LARP1B: variants seen among roughly 807,000 people sequenced by gnomAD.
The protein encoded by LARP1B is la-related protein 1B.
A neutral mutation model predicts 114.2 loss-of-function variants in LARP1B; 76 were observed. The observed-to-expected ratio is 0.67, with a 90% CI of 0.55 to 0.81. The LOEUF is 0.81. Among genes scored for constraint, LARP1B ranks in the 30% least tolerant of loss-of-function variants. The pLI is 0.00. For missense variants in LARP1B, 1,014 were observed against 1,075.8 expected (o/e 0.94, Z 0.80); for synonymous variants, 345 against 348.0 (o/e 0.99, Z 0.10).
At chr4:128,187,936 G>T (rs529866739) in intron 15 of LARP1B, among the ~76,000 whole-genome samples, 2 of 152,150 alleles carry the variant, frequency 1.3e-5, no homozygotes, top group Admixed American at 1.3e-4. Context: ...GCTATGTGAA[G>T]TGCTGCTCCC....
In LARP1B at chr4:128,211,584, G is replaced by C; in HGVS notation, c.*1531G>C. The C allele has an allele frequency of 3.2e-6, 3 of 943,188 alleles. No individual in the cohort carries two copies. Among genetic ancestry groups the C allele is most frequent in the African/African-American group, 1.8e-5 (1 of 56,358 alleles). The allele number at this position is 943,188 out of a possible 1,614,324, so 58.4% of individuals were successfully genotyped here. On this transcript the variant is annotated 3_prime_UTR_variant, in exon 20 of 20. Coordinates refer to ENST00000326639, the MANE Select transcript of LARP1B (RefSeq NM_018078.4). ...TTTATTTAGATATATTGTAAAGAGG[G>C]TGCAAAACAAGCAATGGGTTAGAAT...
intron 12 of LARP1B, among the ~76,000 whole-genome samples, chr4:128,176,568 A>G (rs1188641017): frequency 6.6e-6 from 1 of 152,134 alleles, no homozygotes; most frequent in Non-Finnish European, 1.5e-5. Context: ...TGCTGGGATT[A>G]CAGGCGTGAG....
At position 128,200,503 on chromosome 4, in the gene LARP1B, T is replaced by C; in HGVS notation, c.2165-18T>C. The C allele has an allele frequency of 1.4e-6, 2 of 1,379,794 alleles. No homozygotes were observed. Among genetic ancestry groups the C allele is most frequent in the Non-Finnish European group, 1.9e-6 (2 of 1,046,612 alleles). 85.5% of individuals were successfully genotyped at this position (1,379,794 alleles called of 1,614,324 possible). Reference sequence around the variant, plus strand: ...AAAGTATGTTTAATAAAATAATATTTTATTTAACTTTTTTCAGAGAGAAAA... The same window carrying C: ...AAAGTATGTTTAATAAAATAATATTCTATTTAACTTTTTTCAGAGAGAAAA... On this transcript the variant is annotated intron_variant, in intron 16 of 19. Coordinates refer to ENST00000326639, the MANE Select transcript of LARP1B (RefSeq NM_018078.4).
intron 1 of LARP1B, among the ~76,000 whole-genome samples, chr4:128,070,555 G>A (rs1253722915): frequency 6.6e-6 from 1 of 152,062 alleles, no homozygotes; most frequent in Non-Finnish European, 1.5e-5. Context: ...CAGCTACTTG[G>A]GAGGCTGAGG....
chr4:128,086,464 G>A (rs1773603509), intron 5 of LARP1B, among the ~76,000 whole-genome samples: 1 of 152,040 alleles, frequency 6.6e-6, no homozygotes, highest in Non-Finnish European at 1.5e-5. Flanking sequence ...CAGTAGCTGG[G>A]ACTACAGGCA....
chr4:128,124,617 T>C (rs1007097743), intron 11 of LARP1B, among the ~76,000 whole-genome samples: 1 of 152,232 alleles, frequency 6.6e-6, no homozygotes, highest in African/African-American at 2.4e-5. Context: ...CTAATTTTTA[T>C]TTTTAATAGA....
chr4:128,138,872 G>A (rs935996553), intron 11 of LARP1B, among the ~76,000 whole-genome samples: 2 of 152,046 alleles, frequency 1.3e-5, no homozygotes, highest in Non-Finnish European at 2.9e-5. Flanking sequence ...CATGAGAATC[G>A]CTTGAACCTG....
chr4:128,155,266 G>A, intron 11 of LARP1B: 1 of 391,736 alleles, frequency 2.6e-6, no homozygotes, highest in Non-Finnish European at 4.6e-6. Flanking sequence ...GAAAAAGTAG[G>A]TTTAAAAAAT....
At chr4:128,091,181 CTT>C in intron 6 of LARP1B, 37 bp downstream of exon 6, 1 of 1,593,988 alleles carries the variant, frequency 6.3e-7, no homozygotes, top group Non-Finnish European at 8.5e-7. Flanking sequence ...ATTAGATAAA[CTT>C]TGAAAAAAAT....
intron 10 of LARP1B, among the ~76,000 whole-genome samples, chr4:128,121,168 G>A (rs531592317): frequency 6.6e-6 from 1 of 152,300 alleles, no homozygotes; most frequent in Non-Finnish European, 1.5e-5. Flanking sequence ...TGAAAACTGG[G>A]CCATGTAGAA....
At chr4:128,142,798 G>A (rs1174789738) in intron 11 of LARP1B, among the ~76,000 whole-genome samples, 1 of 151,966 alleles carries the variant, frequency 6.6e-6, no homozygotes, top group Non-Finnish European at 1.5e-5. Flanking sequence ...GTGAGCCACT[G>A]TGCCTGGGTT....
At chr4:128,149,311 A>G (rs1184578704) in intron 11 of LARP1B, among the ~76,000 whole-genome samples, 1 of 152,206 alleles carries the variant, frequency 6.6e-6, no homozygotes, top group Non-Finnish European at 1.5e-5. Context: ...AATTTAGAAT[A>G]AAGAGCAATT....
At chr4:128,169,309 G>A (rs566892301) in intron 12 of LARP1B, among the ~76,000 whole-genome samples, 1 of 151,540 alleles carries the variant, frequency 6.6e-6, no homozygotes, top group Non-Finnish European at 1.5e-5. Flanking sequence ...TGGAAGCTTA[G>A]ATCATTTATT....
chr4:128,123,106 G>A (rs1410207432), intron 11 of LARP1B: 3 of 985,192 alleles, frequency 3.0e-6, no homozygotes, highest in Admixed American at 1.2e-4. Context: ...CCTGTCGGTG[G>A]GGCTTCATAT....
At position 128,209,906 on chromosome 4, in the gene LARP1B, T is replaced by G; in HGVS notation, c.2598T>G (p.Gly866=). 1 of 1,613,916 alleles carries G rather than the reference T, an allele frequency of 6.2e-7. No individual in the cohort carries two copies. The highest frequency in any genetic ancestry group is 8.5e-7 in the Non-Finnish European group (1 of 1,179,852). Residue 866 remains glycine (G), a synonymous_variant, in exon 20 of 20, where the codon GGT becomes GGG. Coordinates refer to ENST00000326639, the MANE Select transcript of LARP1B (RefSeq NM_018078.4). ...GAAAAAGACATTCCTCTACTTCTGG[T>G]GAGGAGAGTAATCGTCATAGACTTC... ...FGRKRHSSTS[G]EESNRHRLPP...
chr4:128,095,238 C>T (rs1324047131), intron 7 of LARP1B, among the ~76,000 whole-genome samples: 1 of 151,894 alleles, frequency 6.6e-6, no homozygotes, highest in Non-Finnish European at 1.5e-5. Flanking sequence ...CCTGTAATCC[C>T]AGCACTTTGA....
chr4:128,086,144 C>T (rs1030948205), intron 5 of LARP1B, among the ~76,000 whole-genome samples: 2 of 150,954 alleles, frequency 1.3e-5, no homozygotes, highest in Non-Finnish European at 2.9e-5. Flanking sequence ...GCTGGGACTA[C>T]AAGCACCTGC....
intron 5 of LARP1B, among the ~76,000 whole-genome samples, chr4:128,086,216 A>G (rs945309949): frequency 6.6e-6 from 1 of 151,994 alleles, no homozygotes; most frequent in African/African-American, 2.4e-5. Flanking sequence ...CACATTAGCC[A>G]GGATGGTCTT....
At chr4:128,092,171 A>C (rs1380878938) in intron 7 of LARP1B, among the ~76,000 whole-genome samples, 1 of 152,156 alleles carries the variant, frequency 6.6e-6, no homozygotes, top group Non-Finnish European at 1.5e-5. Context: ...AATTTGGCTT[A>C]TTATTTGCCA....
Sources: gnomAD v4.1 joint callset for allele counts (sites outside exome capture counted in the v4.1 genomes callset) on GRCh38, gnomAD v4.1.1 for gene constraint, MANE v1.5 for transcripts, NCBI Gene and HGNC (gene_info 2026-07-23, HGNC 2026-07-21) for gene names.